The following RMC1 variants were observed in gnomAD, a reference collection of about 807,000 sequenced individuals.
RMC1 encodes regulator of MON1-CCZ1, also known as regulator of MON1-CCZ1 complex.
In RMC1, 44 loss-of-function variants were observed where a neutral mutation model predicts 95.5. The ratio of observed to expected loss-of-function variants is 0.46; its 90% CI spans 0.36 to 0.59. RMC1 has a LOEUF of 0.59. RMC1 is among the 20% of genes least tolerant of loss of function. The probability of loss-of-function intolerance (pLI) is 0.00; values close to 1 mark genes in which losing one functional copy is unlikely to be tolerated. For synonymous variants in RMC1, 320 were observed against 303.6 expected (o/e 1.05, Z -0.56); for missense variants, 705 against 819.6 (o/e 0.86, Z 1.71).
chr18:23,526,908 C>A, intron 13 of RMC1, 143 bp downstream of exon 13: 1 of 1,130,672 alleles, frequency 8.8e-7, no homozygotes, highest in Non-Finnish European at 1.2e-6. Context: ...GCTATGTGAC[C>A]CCCTAGGAAA....
upstream of RMC1, chr18:23,503,493 G>T: frequency 2.1e-6 from 1 of 485,308 alleles, no homozygotes; most frequent in Non-Finnish European, 3.2e-6. Context: ...ACCAGGAAGC[G>T]GCGTCCGCGC....
chr18:23,514,422 TG>T (rs898947377), intron 5 of RMC1, among the ~76,000 whole-genome samples: 1 of 151,934 alleles, frequency 6.6e-6, no homozygotes, highest in African/African-American at 2.4e-5. Flanking sequence ...CTGGGTGTGG[TG>T]GTGGGCGCCT....
At chr18:23,512,049 C>A (rs1246423992) in intron 5 of RMC1, among the ~76,000 whole-genome samples, 1 of 141,006 alleles carries the variant, frequency 7.1e-6, no homozygotes. Flanking sequence ...GAGACAGAGT[C>A]TCACTCCGTC....
chr18:23,507,833 T>G, intron 3 of RMC1, 152 bp from the exon 4 acceptor site: 1 of 549,522 alleles, frequency 1.8e-6, no homozygotes, highest in Non-Finnish European at 2.9e-6. Context: ...GAATTGGTCT[T>G]TTTATCTTTC....
intron 16 of RMC1, 40 bp downstream of exon 16, chr18:23,529,752 A>T: frequency 6.4e-7 from 1 of 1,551,464 alleles, no homozygotes; most frequent in Non-Finnish European, 8.9e-7. Context: ...AAACAGAAGG[A>T]ATTTAAAAAA....
chr18:23,530,057 C>T lies in RMC1; in HGVS notation c.1524C>T (p.Thr508=). 6 of 1,614,184 alleles carry T rather than the reference C, an allele frequency of 3.7e-6. No homozygotes were observed. The highest frequency in any genetic ancestry group is 4.2e-6 in the Non-Finnish European group (5 of 1,180,016). Residue 508 remains threonine, a synonymous_variant, in exon 17 of 20, where the codon ACC becomes ACT. Transcript: ENST00000269221. ...QHYLHELVIK[T]LVQHNLFYML... is the part of the protein sequence containing the mutation. ...ACCTACATGAACTTGTTATCAAAAC[C>T]CTTGTCCAGCACAACCTCTTTTATA...
At chr18:23,530,820 A>T (rs973881689) in intron 19 of RMC1, among the ~76,000 whole-genome samples, 10 of 152,206 alleles carry the variant, frequency 6.6e-5, no homozygotes, top group African/African-American at 2.2e-4. Context: ...CTCACCGAGG[A>T]GGTGTGTTTT....
intron 5 of RMC1, among the ~76,000 whole-genome samples, chr18:23,512,962 C>CT (rs949706174): frequency 1.0e-4 from 15 of 150,750 alleles, no homozygotes; most frequent in East Asian, 2.0e-4. Flanking sequence ...AATTTGACTC[C>CT]TTTTTTTTTA....
intron 10 of RMC1, among the ~76,000 whole-genome samples, chr18:23,521,675 A>G (rs1221252147): frequency 6.8e-6 from 1 of 148,110 alleles, no homozygotes; most frequent in African/African-American, 2.5e-5. Context: ...CTGAAAGAAT[A>G]TTCAACACAC....
intron 16 of RMC1, 34 bp downstream of exon 16, chr18:23,529,746 A>G (rs753375918): frequency 7.0e-6 from 11 of 1,571,346 alleles, no homozygotes; most frequent in Admixed American, 1.7e-5. Context: ...AAGTTAAAAC[A>G]GAAGGAATTT....
intron 10 of RMC1, 138 bp from the exon 11 acceptor site, chr18:23,523,992 C>A: frequency 1.1e-6 from 1 of 936,660 alleles, no homozygotes; most frequent in Non-Finnish European, 1.7e-6. Flanking sequence ...TGAGACGGAA[C>A]AGTTCATTTC....
chr18:23,520,779 C>T (rs1272882148), intron 10 of RMC1, among the ~76,000 whole-genome samples: 3 of 151,858 alleles, frequency 2.0e-5, no homozygotes, highest in African/African-American at 7.3e-5. Context: ...ACCAAGTATT[C>T]AATCGCTTAA....
At chr18:23,514,282 G>A (rs1472078433) in intron 5 of RMC1, among the ~76,000 whole-genome samples, 2 of 152,194 alleles carry the variant, frequency 1.3e-5, no homozygotes, top group African/African-American at 4.8e-5. Context: ...TTGGGAGGCC[G>A]AGGTGGGCGA....
At chr18:23,529,513 C>T (rs1475600408) in intron 15 of RMC1, 122 bp from the exon 16 acceptor site, 1 of 1,252,774 alleles carries the variant, frequency 8.0e-7, no homozygotes, top group Non-Finnish European at 1.1e-6. Context: ...TGTGCAAAAC[C>T]AGTGAAAGAT....
chr18:23,516,553 G>A (rs2058011211), intron 7 of RMC1, 130 bp downstream of exon 7: 4 of 891,186 alleles, frequency 4.5e-6, no homozygotes, highest in Middle Eastern at 2.2e-4. Context: ...CCCTTGTTCT[G>A]GGTATTCAGT....
In RMC1 at chr18:23,511,653, C is replaced by CT. The variant is rs879564586; in HGVS notation, c.408+2387dup. Among the ~76,000 whole-genome samples the CT allele has an allele frequency of 1.4e-3, 200 of 141,082 alleles. 2 individuals are homozygous for CT. Among genetic ancestry groups the CT allele is most frequent in the Admixed American group, 2.7e-3 (38 of 14,012 alleles). 92.6% of individuals were successfully genotyped at this position (141,082 alleles called of 152,430 possible). A position where few individuals can be genotyped will look rare whatever the true frequency, so the allele number is the denominator to read the frequency against. On this transcript the variant is annotated intron_variant, in intron 5 of 19. Transcript: ENST00000269221. ...GTTGTATATAAACTTTTGCAGCTAG[C>CT]TTTTTTTTTTTTTGTCCAAAGTGTA... is the stretch of plus-strand genomic sequence containing the variant.
chr18:23,509,226 A>C lies in RMC1; in HGVS notation c.355A>C (p.Thr119Pro). The change falls in exon 5 of 20, where the codon ACT becomes CCT. Residue 119 changes from threonine to proline, a missense_variant. Thr to Pro is a conservative substitution (Grantham distance 38, BLOSUM62 -1). Coordinates refer to ENST00000269221, the MANE Select transcript of RMC1 (RefSeq NM_013326.5). ...TGCCAACATTCTAGGATTCTGCTGG[A>C]CTAGTTCAACTGAAATTGTCTTCAT... Reference protein sequence around the residue: ...KNANILGFCWTSSTEIVFITD... With the variant: ...KNANILGFCWPSSTEIVFITD... The C allele has an allele frequency of 1.4e-6, 2 of 1,465,738 alleles. No individual in the cohort carries two copies. The highest frequency in any genetic ancestry group is 1.8e-6 in the Non-Finnish European group (2 of 1,107,072). 90.8% of individuals were successfully genotyped at this position (1,465,738 alleles called of 1,614,324 possible).
chr18:23,516,706 T>A (rs1477901702), intron 7 of RMC1, among the ~76,000 whole-genome samples: 1 of 148,588 alleles, frequency 6.7e-6, no homozygotes, highest in East Asian at 2.0e-4. Context: ...TCTTAGTATC[T>A]TTGTTTTAGA....
At position 23,516,377 on chromosome 18, in the gene RMC1, T is replaced by G; in HGVS notation, c.607T>G (p.Ser203Ala). The G allele has an allele frequency of 6.2e-7, 1 of 1,614,206 alleles. No homozygotes were observed. Among genetic ancestry groups the G allele is most frequent in the Non-Finnish European group, 8.5e-7 (1 of 1,180,038 alleles). Residue 203 changes from serine to alanine, a missense_variant, in exon 7 of 20, where the codon TCA becomes GCA. By Grantham distance (99) the Ser-to-Ala change is moderately conservative. Coordinates refer to ENST00000269221, the MANE Select transcript of RMC1 (RefSeq NM_013326.5). ...FEIELPAAPKSTKPSLSERDI... is the reference protein window; with the variant it reads ...FEIELPAAPKATKPSLSERDI... Reference sequence around the variant, plus strand: ...GATTGAATTACCAGCTGCGCCTAAGTCAACTAAACCCAGCCTTTCCGAAAG... The same window carrying G: ...GATTGAATTACCAGCTGCGCCTAAGGCAACTAAACCCAGCCTTTCCGAAAG...
Sources: allele counts gnomAD v4.1 joint callset (sites outside exome capture counted in the v4.1 genomes callset), GRCh38; gene constraint gnomAD v4.1.1; transcripts MANE v1.5; gene names NCBI Gene and HGNC (gene_info 2026-07-23, HGNC 2026-07-21).